SPTA1: variants seen among roughly 807,000 people sequenced by gnomAD.
SPTA1 encodes the protein spectrin alpha, erythrocytic 1, also known as spectrin alpha chain, erythrocytic 1.
Under a neutral mutation model 324.7 loss-of-function variants are expected in SPTA1, and 177 were observed. The observed-to-expected ratio is 0.55, with a 90% CI of 0.48 to 0.62. The LOEUF (loss-of-function observed/expected upper bound fraction) is 0.62. SPTA1 is among the 20% of genes least tolerant of loss of function. The probability of loss-of-function intolerance (pLI) is 0.00; values close to 1 mark genes in which losing one functional copy is unlikely to be tolerated. For missense variants in SPTA1, 3,162 were observed against 2,883.6 expected, an observed-to-expected ratio of 1.10 and a Z score of -2.21; for synonymous variants, 1,195 against 1,041.3, an observed-to-expected ratio of 1.15 and a Z score of -2.84.
intron 39 of SPTA1, among the ~76,000 whole-genome samples, chr1:158,631,384 T>C (rs1485260722): frequency 6.6e-6 from 1 of 152,118 alleles, no homozygotes; most frequent in Non-Finnish European, 1.5e-5. Context: ...ACGTTCTCAC[T>C]TATAAATAGG....
At chr1:158,663,112 G>A (rs1456114151) in intron 16 of SPTA1, among the ~76,000 whole-genome samples, 167 bp from the exon 17 acceptor site, 1 of 151,990 alleles carries the variant, frequency 6.6e-6, no homozygotes, top group African/African-American at 2.4e-5. Flanking sequence ...GCTACACTGG[G>A]GACCACCACA....
At chr1:158,631,142 T>C (rs1650646531) in intron 39 of SPTA1, among the ~76,000 whole-genome samples, 1 of 152,162 alleles carries the variant, frequency 6.6e-6, no homozygotes, top group South Asian at 2.1e-4. Context: ...AAGTCATTTA[T>C]GAAAAAGACA....
chr1:158,664,518 G>A (rs1240219156), intron 16 of SPTA1, among the ~76,000 whole-genome samples: 1 of 151,942 alleles, frequency 6.6e-6, no homozygotes, highest in East Asian at 1.9e-4. Context: ...TCACACACCG[G>A]GGCCTGTCGA....
At chr1:158,652,754 G>A (rs1652546241) in intron 22 of SPTA1, 101 bp from the exon 23 acceptor site, 2 of 1,367,292 alleles carry the variant, frequency 1.5e-6, no homozygotes, top group Non-Finnish European at 2.0e-6. Context: ...AAAATGAAAG[G>A]GAAAACAAAT....
In SPTA1 at chr1:158,615,279, C is replaced by T. The variant is rs1649485574; in HGVS notation, c.6725G>A (p.Trp2242Ter). 6.2e-7 allele frequency: 1 copy of T among 1,613,852 alleles called. No individual in the cohort carries two copies. The highest frequency in any genetic ancestry group is 1.3e-5 in the African/African-American group (1 of 74,914). Reference sequence around the variant, plus strand: ...CAACCCAAGCTGGTAGAGCTGGTCCCACTGCTGAGCCAATCCAATGGTGCT... The same window carrying T: ...CAACCCAAGCTGGTAGAGCTGGTCCTACTGCTGAGCCAATCCAATGGTGCT... The part of the protein sequence containing the change: ...KYSTIGLAQQ[W>*]DQLYQLGLRM... The change falls in exon 48 of 52, where the codon TGG (tryptophan) becomes TAG (stop). Residue 2242 changes from tryptophan to a stop codon, truncating the protein, a stop_gained. Transcript: ENST00000643759. LOFTEE classifies it high-confidence loss of function.
In SPTA1 at chr1:158,631,469, G is replaced by C. The variant is rs564138546; in HGVS notation, c.5565+3074C>G. ...AGGACTTGAGGGAAAGGGTGGGAAAGGGGTCAGGGATAAAAGACTACATAT... is the reference window on the plus strand; with the variant it reads ...AGGACTTGAGGGAAAGGGTGGGAAACGGGTCAGGGATAAAAGACTACATAT... On this transcript the variant is annotated intron_variant, in intron 39 of 51. Coordinates refer to ENST00000643759, the MANE Select transcript of SPTA1 (RefSeq NM_003126.4). Among the ~76,000 whole-genome samples, 3 of 152,234 alleles carry C rather than the reference G, an allele frequency of 2.0e-5. No homozygotes were observed. In the East Asian group the frequency reaches 5.8e-4, roughly 29 times the overall value.
At chr1:158,630,798 G>A (rs564017876) in intron 39 of SPTA1, among the ~76,000 whole-genome samples, 1 of 151,640 alleles carries the variant, frequency 6.6e-6, no homozygotes, top group Admixed American at 6.6e-5. Context: ...ATACTAAAAA[G>A]TAAATAAAAA....
chr1:158,678,348 G>A (rs978234269), intron 6 of SPTA1, 53 bp downstream of exon 6: 262 of 1,609,530 alleles, frequency 1.6e-4, no homozygotes, highest in Admixed American at 8.8e-4. Context: ...ACAAAGACAC[G>A]GTTTTTATAA....
At chr1:158,681,377 C>T (rs1654796165) in intron 4 of SPTA1, 150 bp downstream of exon 4, 3 of 1,200,214 alleles carry the variant, frequency 2.5e-6, no homozygotes, top group African/African-American at 1.5e-5. Context: ...GATACCCCTA[C>T]ATTTTGGCCC....
chr1:158,641,579 T>C (rs1651578460), intron 33 of SPTA1, among the ~76,000 whole-genome samples: 1 of 152,140 alleles, frequency 6.6e-6, no homozygotes, highest in African/African-American at 2.4e-5. Context: ...TCACTGGTCA[T>C]CAGAGAAATG....
At chr1:158,629,636 C>T (rs547501883) in intron 39 of SPTA1, among the ~76,000 whole-genome samples, 3 of 151,964 alleles carry the variant, frequency 2.0e-5, no homozygotes, top group Non-Finnish European at 4.4e-5. Flanking sequence ...CAAAGATAAT[C>T]GCTCTCACTA....
Position 158,627,706 on chromosome 1 carries a change from A to G in SPTA1, c.5583T>C (p.His1861=), listed in dbSNP as rs745915336. 1.2e-6 allele frequency: 2 copies of G among 1,612,844 alleles called. No individual in the cohort carries two copies. Among genetic ancestry groups the G allele is most frequent in the Non-Finnish European group, 1.7e-6 (2 of 1,179,712 alleles). The part of the protein sequence containing the change: ...LAATQSLLMK[H]EALENDFAVH... ...CAGCAAAGTCATTTTCCAAAGCTTC[A>G]TGCTTCATTAGCAAGCTCTGCATAA... Residue 1861 remains histidine, a synonymous_variant, in exon 40 of 52, where the codon CAT becomes CAC. Coordinates refer to ENST00000643759, the MANE Select transcript of SPTA1 (RefSeq NM_003126.4).
intron 8 of SPTA1, 41 bp from the exon 9 acceptor site, chr1:158,674,716 G>C (rs1413782880): frequency 6.2e-7 from 1 of 1,609,918 alleles, no homozygotes; most frequent in Non-Finnish European, 8.5e-7. Flanking sequence ...GGAGAAACCA[G>C]ATATGAAAGG....
intron 5 of SPTA1, among the ~76,000 whole-genome samples, chr1:158,679,617 GC>G (rs1654648361): frequency 6.6e-6 from 1 of 152,006 alleles, no homozygotes; most frequent in Admixed American, 6.6e-5. Flanking sequence ...TGGGATTGAG[GC>G]CACCTTAGAT....
In SPTA1 at chr1:158,685,107, C is replaced by G; in HGVS notation, c.264+1G>C. 6.2e-7 allele frequency: 1 copy of G among 1,613,582 alleles called. No individual in the cohort carries two copies. The highest frequency in any genetic ancestry group is 8.5e-7 in the Non-Finnish European group (1 of 1,179,712). On this transcript the variant is annotated splice_donor_variant, in intron 2 of 51. Transcript: ENST00000643759. LOFTEE classifies it high-confidence loss of function. ...TGAGGCAATCAAGAGAACTGAGTGACCTGTATATTAGTTGGGTCTTCATAG... is the reference window on the plus strand; with the variant it reads ...TGAGGCAATCAAGAGAACTGAGTGAGCTGTATATTAGTTGGGTCTTCATAG...
At chr1:158,625,669 CA>C (rs918271949) in intron 42 of SPTA1, among the ~76,000 whole-genome samples, 9 of 150,656 alleles carry the variant, frequency 6.0e-5, no homozygotes, top group Non-Finnish European at 1.2e-4. Flanking sequence ...TAAGAAATTT[CA>C]AAAAAAATTA....
rs1193072516 is a variant in SPTA1, at chr1:158,634,689, G to T, written c.5433-14C>A. 1 of 1,613,886 alleles carries T rather than the reference G, an allele frequency of 6.2e-7. No homozygotes were observed. The highest frequency in any genetic ancestry group is 1.7e-5 in the Admixed American group (1 of 59,994). On this transcript the variant is annotated splice_polypyrimidine_tract_variant and intron_variant, in intron 38 of 51. Coordinates refer to ENST00000643759, the MANE Select transcript of SPTA1 (RefSeq NM_003126.4). ...AACTTAAGTCCTCTATAACAAGGTG[G>T]CAAGCCCCAGTGAGGATAAGAACAA...
In SPTA1 at chr1:158,683,844, TAAA is replaced by T. The variant is rs35392691; in HGVS notation, c.265-351_265-349del. 4.8e-4 allele frequency among the ~76,000 whole-genome samples: 72 copies of T among 150,868 alleles called. No individual in the cohort carries two copies. The East Asian group carries it at 0.012, about 25-fold the overall frequency. On this transcript the variant is annotated intron_variant, in intron 2 of 51. Transcript: ENST00000643759. Reference sequence around the variant, plus strand: ...AGATGATAGTTATAATAATGGTTTTTAAAAAAAAAAATTGAGAGTTTTTTTTGC... The same window carrying T: ...AGATGATAGTTATAATAATGGTTTTTAAAAAAAATTGAGAGTTTTTTTTGC...
At chr1:158,643,061 A>G (rs1651733537) in intron 31 of SPTA1, 85 bp from the exon 32 acceptor site, 33 of 1,560,988 alleles carry the variant, frequency 2.1e-5, no homozygotes, top group Non-Finnish European at 2.7e-5. Context: ...CCCATTTGCC[A>G]ACATGCCTCT....
Sources: gnomAD v4.1 joint callset for allele counts (sites outside exome capture counted in the v4.1 genomes callset) on GRCh38, gnomAD v4.1.1 for gene constraint, MANE v1.5 for transcripts, NCBI Gene and HGNC (gene_info 2026-07-23, HGNC 2026-07-21) for gene names.